Variants in CSGALNACT1 observed in about 807,000 individuals in gnomAD.
CSGALNACT1 encodes chondroitin sulfate N-acetylgalactosaminyltransferase 1.
Under a neutral mutation model 51.0 loss-of-function variants are expected in CSGALNACT1, and 52 were observed. The observed-to-expected ratio is 1.02, with a 90% CI of 0.82 to 1.29. The LOEUF is 1.29. CSGALNACT1 is among the 50% of genes most tolerant of loss of function. CSGALNACT1 has a pLI of 0.00. For synonymous variants in CSGALNACT1, 341 were observed against 254.4 expected (o/e 1.34, Z -3.24); for missense variants, 935 against 679.2 (o/e 1.38, Z -4.19).
intron 3 of CSGALNACT1, among the ~76,000 whole-genome samples, chr8:19,560,920 A>G (rs1266487719): frequency 2.0e-5 from 3 of 152,224 alleles, no homozygotes; most frequent in Non-Finnish European, 4.4e-5. Context: ...ACACACTCAT[A>G]TTTTCATTCA....
rs2059349517 is a variant in CSGALNACT1 at position 19,666,987 on chromosome 8, GAAAGA to G, written c.-544+15481_-544+15485del. On this transcript the variant is annotated intron_variant, in intron 1 of 9. Coordinates refer to the CSGALNACT1 transcript ENST00000332246. Reference sequence around the variant, plus strand: ...AGAAAGAAAGAAAGAAAGAAAGAAAGAAAGAAAGAAAGAAAGAAAGAAAGAAAGAA... The same window carrying G: ...AGAAAGAAAGAAAGAAAGAAAGAAAGAAGAAAGAAAGAAAGAAAGAAAGAA... Among the ~76,000 whole-genome samples, 67 of 24,830 alleles carry G rather than the reference GAAAGA, an allele frequency of 2.7e-3. 2 individuals are homozygous for G. Among genetic ancestry groups the G allele is most frequent in the Middle Eastern group, 0.019 (1 of 54 alleles). 16.3% of individuals were successfully genotyped at this position (24,830 alleles called of 152,430 possible).
At chr8:19,689,280 G>T (rs2061154464) in intron 1 of CSGALNACT1, among the ~76,000 whole-genome samples, 1 of 152,152 alleles carries the variant, frequency 6.6e-6, no homozygotes, top group Non-Finnish European at 1.5e-5. Context: ...GGTCCAGGCA[G>T]CCCATGGCGT....
At chr8:19,483,905 G>A (rs1395928960) in intron 4 of CSGALNACT1, among the ~76,000 whole-genome samples, 2 of 152,048 alleles carry the variant, frequency 1.3e-5, no homozygotes, top group African/African-American at 2.4e-5. Flanking sequence ...CCCACTTACC[G>A]ACTATTTTGC....
intron 3 of CSGALNACT1, among the ~76,000 whole-genome samples, chr8:19,525,617 A>C (rs1378175905): frequency 1.6e-5 from 1 of 62,084 alleles, no homozygotes; most frequent in South Asian, 5.8e-4. Context: ...ACTTGTCCCA[A>C]AAAAAAAAAA....
At chr8:19,552,397 G>T (rs186852744) in intron 3 of CSGALNACT1, among the ~76,000 whole-genome samples, 77 of 152,206 alleles carry the variant, frequency 5.1e-4, no homozygotes, top group Non-Finnish European at 3.4e-4. Context: ...ACTCCTTAAA[G>T]GTAAAATGCT....
intron 1 of CSGALNACT1, among the ~76,000 whole-genome samples, chr8:19,674,936 A>G (rs1238200658): frequency 6.6e-6 from 1 of 152,214 alleles, no homozygotes; most frequent in Non-Finnish European, 1.5e-5. Flanking sequence ...AAAGCAGGGC[A>G]TTGCCCATCT....
chr8:19,505,130 G>A, intron 4 of CSGALNACT1, 71 bp downstream of exon 3: 2 of 1,585,222 alleles, frequency 1.3e-6, no homozygotes, highest in Non-Finnish European at 1.7e-6. Context: ...CCTGGAGCTG[G>A]AACCTGCCTG....
chr8:19,583,337 T>C (rs2045977547), intron 3 of CSGALNACT1, among the ~76,000 whole-genome samples: 1 of 152,226 alleles, frequency 6.6e-6, no homozygotes. Context: ...TAGTATCTTT[T>C]CATTTCAGCC....
intron 1 of CSGALNACT1, among the ~76,000 whole-genome samples, chr8:19,607,820 G>A (rs2051607757): frequency 6.6e-6 from 1 of 152,210 alleles, no homozygotes; most frequent in African/African-American, 2.4e-5. Context: ...GATTCTCAGT[G>A]AGGGAGGATG....
intron 3 of CSGALNACT1, among the ~76,000 whole-genome samples, chr8:19,568,593 C>A (rs1298619344): frequency 6.6e-6 from 1 of 152,086 alleles, no homozygotes; most frequent in Non-Finnish European, 1.5e-5. Flanking sequence ...ACTTTAAATT[C>A]TTTAATTTTA....
chr8:19,562,080 G>A (rs369578958), intron 3 of CSGALNACT1, among the ~76,000 whole-genome samples: 1 of 152,138 alleles, frequency 6.6e-6, no homozygotes, highest in Non-Finnish European at 1.5e-5. Context: ...TATGGGTCCT[G>A]GGGGAGGAAA....
At chr8:19,666,869 G>GAAAGA (rs2059282940) in intron 1 of CSGALNACT1, among the ~76,000 whole-genome samples, 1 of 128,576 alleles carries the variant, frequency 7.8e-6, no homozygotes, top group Non-Finnish European at 1.6e-5. Flanking sequence ...AAGAAAGAAA[G>GAAAGA]AAAGAAAGAA....
intron 4 of CSGALNACT1, among the ~76,000 whole-genome samples, chr8:19,500,948 A>G (rs1295241348): frequency 1.3e-5 from 2 of 152,272 alleles, no homozygotes; most frequent in East Asian, 1.9e-4. Context: ...TCCTCCCAGG[A>G]TAAAAGGCAT....
chr8:19,724,580 C>T (rs758657668), intron 1 of CSGALNACT1, among the ~76,000 whole-genome samples: 4 of 152,212 alleles, frequency 2.6e-5, no homozygotes, highest in Non-Finnish European at 4.4e-5. Flanking sequence ...CATCAAACTC[C>T]CTTTTGCTGC....
At chr8:19,418,481 G>A (rs552346593) in intron 8 of CSGALNACT1, among the ~76,000 whole-genome samples, 175 bp downstream of exon 7, 1 of 152,284 alleles carries the variant, frequency 6.6e-6, no homozygotes, top group East Asian at 1.9e-4. Context: ...AATATTGCAA[G>A]CACTTTTAAT....
intron 4 of CSGALNACT1, among the ~76,000 whole-genome samples, chr8:19,500,665 G>A (rs1002822100): frequency 7.9e-5 from 12 of 152,178 alleles, no homozygotes; most frequent in Admixed American, 7.9e-4. Context: ...TCCCCGTGAG[G>A]TGTTTGTTGA....
chr8:19,613,217 T>C (rs1322582365), intron 1 of CSGALNACT1, among the ~76,000 whole-genome samples: 6 of 152,222 alleles, frequency 3.9e-5, no homozygotes. Flanking sequence ...TTCTGTATTT[T>C]ACATACTCTC....
At chr8:19,505,306 G>T (rs753894137) in exon 4 of CSGALNACT1, 4 of 1,613,992 alleles carry the variant, frequency 2.5e-6, no homozygotes, top group South Asian at 1.1e-5. Flanking sequence ...AACTCATCCC[G>T]CTTGTCCTTC....
At chr8:19,461,228 C>T (rs1451763094) in intron 4 of CSGALNACT1, among the ~76,000 whole-genome samples, 2 of 152,200 alleles carry the variant, frequency 1.3e-5, no homozygotes, top group Non-Finnish European at 2.9e-5. Context: ...GCTCAAAGGA[C>T]TTCTTTGAAA....
Sources: allele counts gnomAD v4.1 joint callset (sites outside exome capture counted in the v4.1 genomes callset), GRCh38; gene constraint gnomAD v4.1.1; transcripts MANE v1.5; gene names NCBI Gene and HGNC (gene_info 2026-07-23, HGNC 2026-07-21).